CPNE8: variants seen among roughly 807,000 people sequenced by gnomAD.
The protein encoded by CPNE8 is copine-8.
A neutral mutation model predicts 81.5 loss-of-function variants in CPNE8; 45 were observed. The observed-to-expected ratio is 0.55, with a 90% CI of 0.44 to 0.71. The LOEUF is 0.71. Among genes scored for constraint, CPNE8 ranks in the 30% least tolerant of loss-of-function variants. The probability of loss-of-function intolerance (pLI) is 0.00; values close to 1 mark genes in which losing one functional copy is unlikely to be tolerated. For synonymous variants in CPNE8, 252 were observed against 226.3 expected, an observed-to-expected ratio of 1.11 and a Z score of -1.02; for missense variants, 594 against 672.1, an observed-to-expected ratio of 0.88 and a Z score of 1.28.
intron 15 of CPNE8, among the ~76,000 whole-genome samples, chr12:38,688,442 A>G (rs1939590025): frequency 6.6e-6 from 1 of 152,198 alleles, no homozygotes. Flanking sequence ...AGCTACTAAA[A>G]TGAGATTTTC....
intron 10 of CPNE8, among the ~76,000 whole-genome samples, chr12:38,735,030 C>T (rs1940921087): frequency 6.6e-6 from 1 of 152,034 alleles, no homozygotes; most frequent in Non-Finnish European, 1.5e-5. Flanking sequence ...AATTTGTAAA[C>T]AAATTGTATG....
At chr12:38,731,951 ATCC>A in intron 10 of CPNE8, among the ~76,000 whole-genome samples, 1 of 151,870 alleles carries the variant, frequency 6.6e-6, no homozygotes, top group Admixed American at 6.6e-5. Flanking sequence ...TTTAGAATCC[ATCC>A]TCCTCCATTG....
At chr12:38,756,360 T>TTC (rs1359461270) in intron 10 of CPNE8, among the ~76,000 whole-genome samples, 1 of 151,436 alleles carries the variant, frequency 6.6e-6, no homozygotes, top group African/African-American at 2.4e-5. Context: ...CACTTTTTTT[T>TTC]TTTTTTTTTT....
chr12:38,851,014 C>T (rs1317626522), intron 3 of CPNE8, among the ~76,000 whole-genome samples: 1 of 152,192 alleles, frequency 6.6e-6, no homozygotes, highest in Non-Finnish European at 1.5e-5. Context: ...CTTCATACAG[C>T]ATTTGGCCAT....
chr12:38,729,064 G>A (rs1940771519), intron 11 of CPNE8, among the ~76,000 whole-genome samples: 1 of 152,060 alleles, frequency 6.6e-6, no homozygotes, highest in Non-Finnish European at 1.5e-5. Flanking sequence ...ATGAGAAAAT[G>A]CTACAAAAGC....
At chr12:38,761,965 T>C (rs576147091) in intron 9 of CPNE8, 147 bp downstream of exon 9, 1 of 454,372 alleles carries the variant, frequency 2.2e-6, no homozygotes, top group Admixed American at 4.1e-5. Context: ...AAAGCAAATA[T>C]GCAACGTATT....
intron 4 of CPNE8, among the ~76,000 whole-genome samples, chr12:38,847,280 G>A (rs1943574465): frequency 6.6e-6 from 1 of 152,036 alleles, no homozygotes; most frequent in Non-Finnish European, 1.5e-5. Flanking sequence ...AATAGAGGCT[G>A]GTTTTAACAT....
chr12:38,902,194 GAA>G (rs1944473482), intron 1 of CPNE8, among the ~76,000 whole-genome samples: 1 of 105,628 alleles, frequency 9.5e-6, no homozygotes, highest in African/African-American at 3.5e-5. Flanking sequence ...AAAGAAAAGA[GAA>G]AGAGAAAAGA....
At chr12:38,683,483 G>T (rs185836901) in intron 16 of CPNE8, among the ~76,000 whole-genome samples, 8 of 152,010 alleles carry the variant, frequency 5.3e-5, no homozygotes, top group African/African-American at 1.9e-4. Flanking sequence ...ATAAATGGAG[G>T]TCACACACAC....
chr12:38,862,700 G>A (rs1027038795), intron 3 of CPNE8, among the ~76,000 whole-genome samples: 1 of 152,200 alleles, frequency 6.6e-6, no homozygotes, highest in Non-Finnish European at 1.5e-5. Flanking sequence ...TGTAATCCCA[G>A]CACTTTGGGA....
intron 18 of CPNE8, among the ~76,000 whole-genome samples, chr12:38,674,027 C>T (rs960237670): frequency 1.3e-5 from 2 of 151,834 alleles, no homozygotes; most frequent in African/African-American, 2.4e-5. Context: ...TAGAGTGATC[C>T]GAATGATTCT....
intron 14 of CPNE8, among the ~76,000 whole-genome samples, chr12:38,698,979 A>G (rs1939865454): frequency 6.6e-6 from 1 of 152,204 alleles, no homozygotes; most frequent in African/African-American, 2.4e-5. Flanking sequence ...ATTAATTTCC[A>G]TATGAATTTC....
At chr12:38,874,774 C>A (rs565169730) in intron 1 of CPNE8, among the ~76,000 whole-genome samples, 1 of 152,164 alleles carries the variant, frequency 6.6e-6, no homozygotes, top group South Asian at 2.1e-4. Flanking sequence ...AACATGACTC[C>A]TTACATCCTA....
chr12:38,793,963 T>G (rs1427580407), intron 6 of CPNE8, among the ~76,000 whole-genome samples: 1 of 152,110 alleles, frequency 6.6e-6, no homozygotes, highest in East Asian at 1.9e-4. Flanking sequence ...GACTTCTTAA[T>G]AAGGAAAGAA....
intron 15 of CPNE8, among the ~76,000 whole-genome samples, chr12:38,691,994 T>C (rs1939685897): frequency 6.6e-6 from 1 of 152,044 alleles, no homozygotes; most frequent in South Asian, 2.1e-4. Context: ...TTAATTGGGC[T>C]CAAAGAACAA....
chr12:38,678,019 G>C (rs1359477072), intron 16 of CPNE8, among the ~76,000 whole-genome samples: 1 of 151,936 alleles, frequency 6.6e-6, no homozygotes, highest in East Asian at 1.9e-4. Context: ...CTCAATATAA[G>C]CATTGTATAA....
chr12:38,785,692 G>A (rs1304889185), intron 6 of CPNE8, among the ~76,000 whole-genome samples: 1 of 152,140 alleles, frequency 6.6e-6, no homozygotes, highest in Non-Finnish European at 1.5e-5. Context: ...GCTCAGGTAT[G>A]TCTTTATTAG....
At chr12:38,758,762 A>C (rs1230171630) in intron 10 of CPNE8, among the ~76,000 whole-genome samples, 1 of 152,214 alleles carries the variant, frequency 6.6e-6, no homozygotes, top group African/African-American at 2.4e-5. Flanking sequence ...AGGAATGCTC[A>C]AAATGCTCAA....
chr12:38,669,124 T>C (rs904099076), intron 19 of CPNE8, among the ~76,000 whole-genome samples: 2 of 152,154 alleles, frequency 1.3e-5, no homozygotes, highest in African/African-American at 4.8e-5. Context: ...ATCACCAGGT[T>C]CTTTTTCCCA....
Sources: gnomAD v4.1 joint callset for allele counts (sites outside exome capture counted in the v4.1 genomes callset) on GRCh38, gnomAD v4.1.1 for gene constraint, MANE v1.5 for transcripts, NCBI Gene and HGNC (gene_info 2026-07-23, HGNC 2026-07-21) for gene names.